The following HDGFL3 variants were observed in gnomAD, a reference collection of about 807,000 sequenced individuals.
HDGFL3 encodes HDGF like 3, also known as hepatoma-derived growth factor-related protein 3.
A neutral mutation model predicts 27.6 loss-of-function variants in HDGFL3; 6 were observed. The ratio of observed to expected loss-of-function variants is 0.22; its 90% CI spans 0.12 to 0.43. HDGFL3 has a LOEUF of 0.43. HDGFL3 is among the 20% of genes least tolerant of loss of function. The pLI, the probability that HDGFL3 is intolerant of heterozygous loss-of-function variation, is 1.00. For missense variants in HDGFL3, 207 were observed against 250.1 expected, an observed-to-expected ratio of 0.83 and a Z score of 1.16; for synonymous variants, 88 against 88.9, an observed-to-expected ratio of 0.99 and a Z score of 0.05.
chr15:83,115,530 G>T (rs2034577451), exon 4 of HDGFL3: 3 of 470,326 alleles, frequency 6.4e-6, no homozygotes, highest in South Asian at 5.6e-5. Context: ...GCAGCCACTT[G>T]TAGGGGAGTG....
At chr15:83,139,741 TCAAA>T (rs1345008929) in intron 5 of HDGFL3, among the ~76,000 whole-genome samples, 1 of 152,116 alleles carries the variant, frequency 6.6e-6, no homozygotes, top group Non-Finnish European at 1.5e-5. Context: ...GACACATAGC[TCAAA>T]CAAATGTAGA....
chr15:83,183,290 T>C (rs989219828), intron 1 of HDGFL3, among the ~76,000 whole-genome samples: 7 of 152,038 alleles, frequency 4.6e-5, no homozygotes, highest in Non-Finnish European at 1.0e-4. Flanking sequence ...CCAATAATAA[T>C]ATACATGCAC....
rs1431809045 is a variant in HDGFL3 at position 83,138,362 on chromosome 15, T to C, written c.*908A>G. 1 of 152,356 alleles carries C rather than the reference T, an allele frequency of 6.6e-6. No individual in the cohort carries two copies. The highest frequency in any genetic ancestry group is 1.5e-5 in the Non-Finnish European group (1 of 67,992). 9.4% of individuals were successfully genotyped at this position (152,356 alleles called of 1,614,324 possible). A position where few individuals can be genotyped will look rare whatever the true frequency, so the allele number is the denominator to read the frequency against. On this transcript the variant is annotated 3_prime_UTR_variant, in exon 6 of 6. Coordinates refer to ENST00000299633, the MANE Select transcript of HDGFL3 (RefSeq NM_016073.4). Reference sequence around the variant, plus strand: ...CAATATAAGCTGGCATAAAAATAAATAAAATTCTCTATTATCACAATAGCA... The same window carrying C: ...CAATATAAGCTGGCATAAAAATAAACAAAATTCTCTATTATCACAATAGCA...
chr15:83,194,216 T>A (rs115453382), intron 1 of HDGFL3, among the ~76,000 whole-genome samples: 1 of 152,172 alleles, frequency 6.6e-6, no homozygotes, highest in Non-Finnish European at 1.5e-5. Flanking sequence ...ATATACACAA[T>A]GGGATGTTAT....
rs1441891949 is a variant in HDGFL3, at chr15:83,135,023, A to G, written c.*4247T>C. On this transcript the variant is annotated 3_prime_UTR_variant, in exon 6 of 6. Coordinates refer to ENST00000299633, the MANE Select transcript of HDGFL3 (RefSeq NM_016073.4). Reference sequence around the variant, plus strand: ...CTGGGCATCTACCCAGGGGAGTTGTATCTGAGGGCCGAGTCCTCTCAGTGC... The same window carrying G: ...CTGGGCATCTACCCAGGGGAGTTGTGTCTGAGGGCCGAGTCCTCTCAGTGC... The G allele has an allele frequency of 1.3e-5, 2 of 152,192 alleles. No homozygotes were observed. The highest frequency in any genetic ancestry group is 2.4e-5 in the African/African-American group (1 of 41,438). The allele number at this position is 152,192 out of a possible 1,614,324, so 9.4% of individuals were successfully genotyped here.
At chr15:83,195,897 C>G (rs1204791770) in intron 1 of HDGFL3, among the ~76,000 whole-genome samples, 4 of 151,736 alleles carry the variant, frequency 2.6e-5, no homozygotes, top group African/African-American at 9.7e-5. Flanking sequence ...GAAATAAAAG[C>G]AAAAATGAAA....
In HDGFL3 at chr15:83,158,853, T is replaced by C. The variant is rs77905914; in HGVS notation, c.162-812A>G. On this transcript the variant is annotated intron_variant, in intron 2 of 5. Coordinates refer to ENST00000299633, the MANE Select transcript of HDGFL3 (RefSeq NM_016073.4). ...TATTTATTCACTATTATTTCTTTCT[T>C]TTTTTTTCAGATAGAGTTTTGCTCT... is the stretch of plus-strand genomic sequence containing the variant. Among the ~76,000 whole-genome samples, 1,260 of 152,160 alleles carry C rather than the reference T, an allele frequency of 8.3e-3. 15 individuals carry two copies. The highest frequency in any genetic ancestry group is 0.028 in the African/African-American group (1,181 of 41,508).
At chr15:83,119,279 A>G (rs193040212) in intron 3 of HDGFL3, among the ~76,000 whole-genome samples, 1 of 152,346 alleles carries the variant, frequency 6.6e-6, no homozygotes, top group African/African-American at 2.4e-5. Context: ...AGTTTGCCAT[A>G]CAGCCAGGAT....
intron 5 of HDGFL3, among the ~76,000 whole-genome samples, chr15:83,144,160 G>A (rs1435798935): frequency 6.6e-6 from 1 of 152,120 alleles, no homozygotes; most frequent in Admixed American, 6.5e-5. Context: ...CAGGTAGTTG[G>A]GACTACAGGC....
At chr15:83,146,356 G>C (rs1162892702) in intron 5 of HDGFL3, among the ~76,000 whole-genome samples, 1 of 152,180 alleles carries the variant, frequency 6.6e-6, no homozygotes, top group Non-Finnish European at 1.5e-5. Context: ...GATGTAGACA[G>C]TGCTCGTACA....
intron 5 of HDGFL3, among the ~76,000 whole-genome samples, chr15:83,148,011 T>A (rs1216611648): frequency 6.6e-6 from 1 of 152,082 alleles, no homozygotes; most frequent in Non-Finnish European, 1.5e-5. Flanking sequence ...GGGTGGTCAA[T>A]AAACATGAAA....
chr15:83,170,478 C>T (rs2037231985), intron 1 of HDGFL3, among the ~76,000 whole-genome samples: 1 of 152,128 alleles, frequency 6.6e-6, no homozygotes, highest in South Asian at 2.1e-4. Context: ...AAAGAACTCC[C>T]TATTTGATAC....
At chr15:83,199,399 A>T (rs1321701366) in intron 1 of HDGFL3, among the ~76,000 whole-genome samples, 3 of 152,162 alleles carry the variant, frequency 2.0e-5, no homozygotes, top group African/African-American at 7.2e-5. Flanking sequence ...AAAAATCCTT[A>T]ATCTTCTGTG....
At chr15:83,206,688 C>A (rs1415765147) in intron 1 of HDGFL3, among the ~76,000 whole-genome samples, 1 of 152,198 alleles carries the variant, frequency 6.6e-6, no homozygotes, top group Admixed American at 6.5e-5. Context: ...AGGTAGGCTG[C>A]AAGCTCTCGG....
chr15:83,204,466 T>C (rs1422327727), intron 1 of HDGFL3, among the ~76,000 whole-genome samples: 1 of 152,098 alleles, frequency 6.6e-6, no homozygotes, highest in Non-Finnish European at 1.5e-5. Flanking sequence ...ATTATGTAGA[T>C]AGAGGGAGGA....
rs1225232003 is a variant in HDGFL3, at chr15:83,135,506, T to C, written c.*3764A>G. The stretch of plus-strand genomic sequence containing the variant: ...ATGTGTATCTTGAATTTCAGCAAGA[T>C]ATGAAAATGCAGACTCCAGGGGTAC... On this transcript the variant is annotated 3_prime_UTR_variant, in exon 6 of 6. Transcript: ENST00000299633. 6.6e-6 allele frequency: 1 copy of C among 152,226 alleles called. No homozygotes were observed. Among genetic ancestry groups the C allele is most frequent in the African/African-American group, 2.4e-5 (1 of 41,464 alleles). The allele number at this position is 152,226 out of a possible 1,614,324, so 9.4% of individuals were successfully genotyped here. A position where few individuals can be genotyped will look rare whatever the true frequency, so the allele number is the denominator to read the frequency against.
chr15:83,122,102 TC>T, intron 3 of HDGFL3: 1 of 972,348 alleles, frequency 1.0e-6, no homozygotes, highest in Non-Finnish European at 1.6e-6. Flanking sequence ...ACCAAGTGAT[TC>T]CAAGCTTACT....
At chr15:83,204,041 G>A (rs1596572857) in intron 1 of HDGFL3, among the ~76,000 whole-genome samples, 1 of 147,936 alleles carries the variant, frequency 6.8e-6, no homozygotes, top group Non-Finnish European at 1.5e-5. Flanking sequence ...ACAGCCAGCT[G>A]CTATTTAATG....
At chr15:83,121,708 TA>T (rs1480346371) in intron 3 of HDGFL3, among the ~76,000 whole-genome samples, 1 of 152,216 alleles carries the variant, frequency 6.6e-6, no homozygotes, top group Non-Finnish European at 1.5e-5. Flanking sequence ...ATTTCCTATT[TA>T]AAAGGACACG....
Sources: gnomAD v4.1 joint callset for allele counts (sites outside exome capture counted in the v4.1 genomes callset) on GRCh38, gnomAD v4.1.1 for gene constraint, MANE v1.5 for transcripts, NCBI Gene and HGNC (gene_info 2026-07-23, HGNC 2026-07-21) for gene names.